Variants in TMC1 observed in about 807,000 individuals in gnomAD.
The protein encoded by TMC1 is transmembrane channel-like protein 1.
TMC1 carries 84 observed loss-of-function variants against 105.8 expected under a neutral mutation model. That is an observed-to-expected ratio of 0.79 (90% CI 0.67 to 0.95). The LOEUF is 0.95. TMC1 is among the 40% of genes least tolerant of loss of function. The pLI, the probability that TMC1 is intolerant of heterozygous loss-of-function variation, is 0.00. For synonymous variants in TMC1, 315 were observed against 311.5 expected, an observed-to-expected ratio of 1.01 and a Z score of -0.12; for missense variants, 817 against 914.1, an observed-to-expected ratio of 0.89 and a Z score of 1.37.
chr9:72,641,962 C>T (rs911133886), intron 4 of TMC1, among the ~76,000 whole-genome samples: 7 of 151,790 alleles, frequency 4.6e-5, no homozygotes, highest in African/African-American at 1.4e-4. Context: ...GGATTACAGG[C>T]GTGAGCCACC....
At chr9:72,690,353 A>G (rs940919396) in intron 6 of TMC1, among the ~76,000 whole-genome samples, 5 of 152,118 alleles carry the variant, frequency 3.3e-5, no homozygotes, top group Non-Finnish European at 7.4e-5. Context: ...AATACAATTA[A>G]AAGTTACCAA....
intron 8 of TMC1, among the ~76,000 whole-genome samples, chr9:72,724,322 G>C (rs749658165): frequency 3.5e-4 from 54 of 152,204 alleles, no homozygotes; most frequent in Admixed American, 6.5e-5. Flanking sequence ...GCAAGGACGA[G>C]AGACAGGGAG....
chr9:72,806,921 G>T (rs1272505348), intron 18 of TMC1, among the ~76,000 whole-genome samples: 1 of 152,224 alleles, frequency 6.6e-6, no homozygotes, highest in Non-Finnish European at 1.5e-5. Context: ...GCGGCTGGGA[G>T]GTGGAGGTTG....
At chr9:72,589,295 A>G (rs1468624379) in intron 2 of TMC1, among the ~76,000 whole-genome samples, 1 of 152,218 alleles carries the variant, frequency 6.6e-6, no homozygotes, top group Non-Finnish European at 1.5e-5. Flanking sequence ...TTTTGATCCA[A>G]TTAGAAAATG....
intron 17 of TMC1, among the ~76,000 whole-genome samples, chr9:72,795,125 A>G (rs2118204992): frequency 6.6e-6 from 1 of 152,360 alleles, no homozygotes; most frequent in African/African-American, 2.4e-5. Flanking sequence ...GAAGTATGGG[A>G]TTATGTAAAT....
chr9:72,605,575 ATTTT>A (rs376876900), intron 2 of TMC1, among the ~76,000 whole-genome samples: 7 of 131,690 alleles, frequency 5.3e-5, no homozygotes, highest in African/African-American at 5.8e-5. Flanking sequence ...AGTCAGATTA[ATTTT>A]TTTTTTTTTT....
chr9:72,588,630 T>C (rs1306538066), intron 2 of TMC1, among the ~76,000 whole-genome samples: 1 of 152,174 alleles, frequency 6.6e-6, no homozygotes, highest in Non-Finnish European at 1.5e-5. Context: ...GCATTCTTTC[T>C]ACCATATTCT....
chr9:72,574,188 A>C (rs147950636), intron 1 of TMC1, among the ~76,000 whole-genome samples: 1 of 152,204 alleles, frequency 6.6e-6, no homozygotes. Context: ...CTCCATATGG[A>C]TATTCTTTGG....
At chr9:72,613,649 G>C (rs988466578) in intron 2 of TMC1, among the ~76,000 whole-genome samples, 9 of 152,156 alleles carry the variant, frequency 5.9e-5, no homozygotes, top group African/African-American at 9.6e-5. Context: ...TGGAATGAAT[G>C]TGAGAATGGT....
intron 8 of TMC1, among the ~76,000 whole-genome samples, chr9:72,721,424 G>A (rs557611719): frequency 6.6e-6 from 1 of 152,130 alleles, no homozygotes; most frequent in Non-Finnish European, 1.5e-5. Context: ...TGAATACTTT[G>A]TATTAGCTGG....
intron 8 of TMC1, among the ~76,000 whole-genome samples, chr9:72,706,365 A>G (rs1826736910): frequency 6.6e-6 from 1 of 152,156 alleles, no homozygotes; most frequent in Non-Finnish European, 1.5e-5. Context: ...CCCTCAAACC[A>G]TTCTGGATTA....
chr9:72,527,695 C>G (rs1043571961), intron 1 of TMC1, among the ~76,000 whole-genome samples: 3 of 152,158 alleles, frequency 2.0e-5, no homozygotes, highest in African/African-American at 7.2e-5. Flanking sequence ...GTTGTTTGTT[C>G]CGTCCCTGGT....
intron 1 of TMC1, among the ~76,000 whole-genome samples, chr9:72,544,192 A>G (rs1026880619): frequency 1.3e-5 from 2 of 151,102 alleles, no homozygotes; most frequent in Non-Finnish European, 3.0e-5. Context: ...CTTGTGATCC[A>G]CCCGCCTCGG....
intron 8 of TMC1, among the ~76,000 whole-genome samples, chr9:72,706,236 G>T (rs530287976): frequency 3.9e-5 from 6 of 152,122 alleles, no homozygotes; most frequent in Non-Finnish European, 7.4e-5. Context: ...TGTAGCTTAA[G>T]ATTTTCACAG....
At chr9:72,743,863 A>G (rs1487224872) in intron 10 of TMC1, among the ~76,000 whole-genome samples, 2 of 152,234 alleles carry the variant, frequency 1.3e-5, no homozygotes, top group African/African-American at 4.8e-5. Context: ...ATCTAAAAAA[A>G]GGGATAACAT....
chr9:72,809,307 T>G (rs1319762783), intron 18 of TMC1, among the ~76,000 whole-genome samples: 10 of 152,204 alleles, frequency 6.6e-5, no homozygotes, highest in Admixed American at 6.5e-4. Context: ...CTGACAGTGT[T>G]CCTGGGTTAG....
At chr9:72,728,046 GT>G (rs1313883614) in intron 8 of TMC1, among the ~76,000 whole-genome samples, 1 of 151,968 alleles carries the variant, frequency 6.6e-6, no homozygotes, top group Non-Finnish European at 1.5e-5. Context: ...AGATTTATTG[GT>G]TGGAGCCTTG....
rs943592379 is a variant in TMC1 at position 72,654,790 on chromosome 9, GT to G, written c.16+6136del. Among the ~76,000 whole-genome samples, 245 of 145,428 alleles carry G rather than the reference GT, an allele frequency of 1.7e-3. 1 individual carries two copies. The highest frequency in any genetic ancestry group is 5.0e-3 in the African/African-American group (199 of 39,814). On this transcript the variant is annotated intron_variant, in intron 5 of 23. Coordinates refer to ENST00000297784, the MANE Select transcript of TMC1 (RefSeq NM_138691.3). The stretch of plus-strand genomic sequence containing the variant: ...TTCTCATGTATTTGCCATTTTTATT[GT>G]TTTTTTTTTCTTCCATATTTGAGAT...
At chr9:72,548,819 C>G (rs761550801) in intron 1 of TMC1, among the ~76,000 whole-genome samples, 19 of 151,996 alleles carry the variant, frequency 1.3e-4, no homozygotes, top group Admixed American at 5.9e-4. Context: ...GATCCCATCT[C>G]TAAAAAAATA....
Sources: gnomAD v4.1 joint callset for allele counts (sites outside exome capture counted in the v4.1 genomes callset) on GRCh38, gnomAD v4.1.1 for gene constraint, MANE v1.5 for transcripts, NCBI Gene and HGNC (gene_info 2026-07-23, HGNC 2026-07-21) for gene names.